KPNA3: variants seen among roughly 807,000 people sequenced by gnomAD.
KPNA3 encodes importin subunit alpha-4.
Under a neutral mutation model 73.8 loss-of-function variants are expected in KPNA3, and 13 were observed. The observed-to-expected ratio is 0.18, with a 90% CI of 0.11 to 0.28. KPNA3 has a LOEUF of 0.28. Ranked by LOEUF, KPNA3 falls within the 10% of genes least tolerant of loss-of-function variation. The probability of loss-of-function intolerance (pLI) is 1.00; values close to 1 mark genes in which losing one functional copy is unlikely to be tolerated. For missense variants in KPNA3, 360 were observed against 618.1 expected (o/e 0.58, Z 4.43); for synonymous variants, 186 against 206.9 (o/e 0.90, Z 0.87).
intron 1 of KPNA3, among the ~76,000 whole-genome samples, chr13:49,760,045 T>C (rs1954745800): frequency 6.6e-6 from 1 of 152,116 alleles, no homozygotes; most frequent in Non-Finnish European, 1.5e-5. Context: ...CCCCAAATCA[T>C]CTGAATCTGA....
chr13:49,762,387 G>A (rs998235589), intron 1 of KPNA3, among the ~76,000 whole-genome samples: 3 of 152,218 alleles, frequency 2.0e-5, no homozygotes, highest in Admixed American at 6.5e-5. Context: ...CATCGAGAAC[G>A]GGCCATGATG....
intron 1 of KPNA3, among the ~76,000 whole-genome samples, chr13:49,758,349 G>A (rs970139899): frequency 1.3e-5 from 2 of 152,086 alleles, no homozygotes; most frequent in African/African-American, 2.4e-5. Context: ...ACCTAAACGT[G>A]TATCCATTTG....
chr13:49,736,381 G>T (rs562154055), intron 2 of KPNA3, among the ~76,000 whole-genome samples: 1 of 152,220 alleles, frequency 6.6e-6, no homozygotes, highest in Admixed American at 6.5e-5. Flanking sequence ...AACACTACTG[G>T]TTCATGAATC....
chr13:49,730,101 TATTC>T (rs1314551133), intron 6 of KPNA3, among the ~76,000 whole-genome samples: 1 of 152,234 alleles, frequency 6.6e-6, no homozygotes, highest in Non-Finnish European at 1.5e-5. Context: ...GTTTCATAAT[TATTC>T]ATTAAGCTGT....
At chr13:49,736,458 C>A (rs1954521789) in intron 2 of KPNA3, among the ~76,000 whole-genome samples, 1 of 152,126 alleles carries the variant, frequency 6.6e-6, no homozygotes, top group Non-Finnish European at 1.5e-5. Flanking sequence ...TTCATCTTAT[C>A]AAATAGCTGC....
chr13:49,704,415 AAAAAAAATAAATAAATAAAAAAT>A (rs1204254892), intron 15 of KPNA3, among the ~76,000 whole-genome samples: 6 of 135,952 alleles, frequency 4.4e-5, no homozygotes, highest in South Asian at 5.3e-4. Flanking sequence ...TCTGTCTCAA[AAAAAAAATAAATAAATAAAAAAT>A]AAATAAATAA....
intron 1 of KPNA3, among the ~76,000 whole-genome samples, chr13:49,787,081 CAGAT>C (rs1176101971): frequency 6.6e-6 from 1 of 152,162 alleles, no homozygotes; most frequent in Non-Finnish European, 1.5e-5. Context: ...CTTGGACAAT[CAGAT>C]AGTGCCACTT....
chr13:49,772,330 G>A (rs566019561), intron 1 of KPNA3, among the ~76,000 whole-genome samples: 1 of 152,162 alleles, frequency 6.6e-6, no homozygotes, highest in Non-Finnish European at 1.5e-5. Context: ...TTCATCAAGA[G>A]AATGTGAAGA....
chr13:49,781,212 T>A (rs1017715539), intron 1 of KPNA3, among the ~76,000 whole-genome samples: 1 of 152,152 alleles, frequency 6.6e-6, no homozygotes, highest in Non-Finnish European at 1.5e-5. Context: ...CTCCACTAGG[T>A]ACACACTTCC....
intron 10 of KPNA3, among the ~76,000 whole-genome samples, chr13:49,713,310 AC>A (rs1954276771): frequency 6.6e-6 from 1 of 151,994 alleles, no homozygotes; most frequent in African/African-American, 2.4e-5. Flanking sequence ...ACACACACAC[AC>A]ACACACACAA....
At chr13:49,787,681 A>ATTT (rs35108432) in intron 1 of KPNA3, among the ~76,000 whole-genome samples, 2 of 132,022 alleles carry the variant, frequency 1.5e-5, no homozygotes, top group Non-Finnish European at 1.6e-5. Context: ...TAATTTTTGT[A>ATTT]TTTTTTTTTT....
chr13:49,719,629 T>C (rs1436841442), intron 10 of KPNA3, 146 bp downstream of exon 10: 3 of 665,292 alleles, frequency 4.5e-6, no homozygotes, highest in Non-Finnish European at 7.8e-6. Context: ...GCTATAAACC[T>C]AATTTAAGCT....
At chr13:49,741,168 T>C (rs998313511) in intron 2 of KPNA3, among the ~76,000 whole-genome samples, 3 of 152,168 alleles carry the variant, frequency 2.0e-5, no homozygotes, top group African/African-American at 7.2e-5. Flanking sequence ...AGTAGTGGGA[T>C]TGCTTGATCA....
chr13:49,762,861 T>TA (rs1449825700), intron 1 of KPNA3, among the ~76,000 whole-genome samples: 5 of 84,952 alleles, frequency 5.9e-5, no homozygotes, highest in Non-Finnish European at 1.2e-4. Flanking sequence ...GAATGATCAA[T>TA]AAAAAAAATA....
chr13:49,762,758 A>G (rs908835635), intron 1 of KPNA3, among the ~76,000 whole-genome samples: 7 of 151,770 alleles, frequency 4.6e-5, no homozygotes, highest in African/African-American at 1.7e-4. Flanking sequence ...GCCTAGGAAA[A>G]CCAGAGACCT....
In KPNA3 at chr13:49,700,222, T is replaced by A. The variant is rs879154659; in HGVS notation, c.*1578A>T. On this transcript the variant is annotated 3_prime_UTR_variant, in exon 17 of 17. Transcript: ENST00000261667. ...TGAATGCACACCTGCTATGTGTTGT[T>A]TATCAGTGAAAACACCCCAGCTGAT... The A allele has an allele frequency of 6.6e-6, 1 of 152,574 alleles. No individual in the cohort carries two copies. Among genetic ancestry groups the A allele is most frequent in the South Asian group, 2.1e-4 (1 of 4,824 alleles). 9.5% of individuals were successfully genotyped at this position (152,574 alleles called of 1,614,324 possible). A position where few individuals can be genotyped will look rare whatever the true frequency, so the allele number is the denominator to read the frequency against.
intron 2 of KPNA3, among the ~76,000 whole-genome samples, chr13:49,733,283 T>TTTTG (rs71188375): frequency 5.2e-5 from 2 of 38,768 alleles, no homozygotes; most frequent in Non-Finnish European, 1.3e-4. Flanking sequence ...CACTGTGGTG[T>TTTTG]TTTTTTTTTT....
intron 1 of KPNA3, among the ~76,000 whole-genome samples, chr13:49,753,559 T>G (rs1188659433): frequency 2.6e-5 from 4 of 152,186 alleles, no homozygotes; most frequent in African/African-American, 4.8e-5. Flanking sequence ...CCTGTAGAAC[T>G]AAGATTAAAT....
At chr13:49,727,300 T>C (rs1208182260) in intron 6 of KPNA3, among the ~76,000 whole-genome samples, 1 of 151,792 alleles carries the variant, frequency 6.6e-6, no homozygotes, top group Admixed American at 6.6e-5. Context: ...ATACAAAAAT[T>C]AGCTGGACAT....
Sources: gnomAD v4.1 joint callset for allele counts (sites outside exome capture counted in the v4.1 genomes callset) on GRCh38, gnomAD v4.1.1 for gene constraint, MANE v1.5 for transcripts, NCBI Gene and HGNC (gene_info 2026-07-23, HGNC 2026-07-21) for gene names.